Variants in TAFA5 observed in about 807,000 individuals in gnomAD.
TAFA5 encodes chemokine-like protein TAFA-5.
TAFA5 carries 6 observed loss-of-function variants against 15.3 expected under a neutral mutation model. The ratio of observed to expected loss-of-function variants is 0.39; its 90% CI spans 0.21 to 0.77. The LOEUF is 0.77. TAFA5 is among the 30% of genes least tolerant of loss of function. The pLI is 0.41. For synonymous variants in TAFA5, 103 were observed against 80.7 expected (o/e 1.28, Z -1.48); for missense variants, 161 against 193.1 (o/e 0.83, Z 0.98).
chr22:48,494,620 T>A (rs1372035114), intron 1 of TAFA5, among the ~76,000 whole-genome samples: 2 of 152,208 alleles, frequency 1.3e-5, no homozygotes, highest in Admixed American at 6.5e-5. Context: ...GCTTCTCCAC[T>A]GACAAGGGCC....
chr22:48,559,118 G>A (rs1440720208), intron 1 of TAFA5, among the ~76,000 whole-genome samples: 1 of 152,188 alleles, frequency 6.6e-6, no homozygotes, highest in Non-Finnish European at 1.5e-5. Flanking sequence ...GCCCAAGGAG[G>A]GAGCCCATAC....
chr22:48,502,022 CTG>C (rs1920955080), intron 1 of TAFA5, among the ~76,000 whole-genome samples: 2 of 152,250 alleles, frequency 1.3e-5, no homozygotes, highest in Non-Finnish European at 1.5e-5. Context: ...TGAATACTGT[CTG>C]TGTGGGTTCT....
intron 1 of TAFA5, 141 bp from the exon 2 acceptor site, chr22:48,646,456 G>T: frequency 9.2e-7 from 1 of 1,088,450 alleles, no homozygotes; most frequent in Non-Finnish European, 1.3e-6. Flanking sequence ...GGTGCTTTCG[G>T]ACGCTCCCTC....
intron 1 of TAFA5, chr22:48,544,062 G>A (rs558457149): frequency 2.9e-4 from 45 of 153,348 alleles, no homozygotes; most frequent in Admixed American, 2.3e-3. Context: ...GTGCTCAGCA[G>A]GACAGCAGGG....
chr22:48,519,179 T>G (rs1004631472), intron 1 of TAFA5, among the ~76,000 whole-genome samples: 1 of 152,238 alleles, frequency 6.6e-6, no homozygotes, highest in African/African-American at 2.4e-5. Flanking sequence ...GTTATTTGCT[T>G]TCTCAGCCGA....
In TAFA5 at chr22:48,584,913, CCA is replaced by C. The variant is rs564024414; in HGVS notation, c.113-61669_113-61668del. Among the ~76,000 whole-genome samples, 155 of 147,094 alleles carry C rather than the reference CCA, an allele frequency of 1.1e-3. 1 individual carries two copies. The highest frequency in any genetic ancestry group is 3.6e-3 in the Middle Eastern group (1 of 280). On this transcript the variant is annotated intron_variant, in intron 1 of 3. Coordinates refer to ENST00000402357, the MANE Select transcript of TAFA5 (RefSeq NM_001082967.3). Reference sequence around the variant, plus strand: ...ACAAAATACATCTCACACACACACACCACACACACACACACAAAATACACTGC... The same window carrying C: ...ACAAAATACATCTCACACACACACACCACACACACACACAAAATACACTGC...
At chr22:48,515,321 G>T (rs117129046) in intron 1 of TAFA5, among the ~76,000 whole-genome samples, 1 of 152,006 alleles carries the variant, frequency 6.6e-6, no homozygotes, top group Admixed American at 6.6e-5. Flanking sequence ...CAGGGCTTGC[G>T]CAGGCAGCGT....
At chr22:48,603,266 C>G (rs1925040966) in intron 1 of TAFA5, among the ~76,000 whole-genome samples, 1 of 152,240 alleles carries the variant, frequency 6.6e-6, no homozygotes, top group African/African-American at 2.4e-5. Flanking sequence ...GCTTGAGTGC[C>G]CGGAGGCTGC....
intron 1 of TAFA5, among the ~76,000 whole-genome samples, chr22:48,603,068 A>G (rs1204084900): frequency 6.6e-6 from 1 of 152,152 alleles, no homozygotes; most frequent in African/African-American, 2.4e-5. Flanking sequence ...GACTTGGAGA[A>G]AGCTACACAG....
chr22:48,658,256 C>G (rs962736781), intron 2 of TAFA5, among the ~76,000 whole-genome samples: 7 of 152,128 alleles, frequency 4.6e-5, no homozygotes, highest in African/African-American at 1.7e-4. Flanking sequence ...GGGGGAGCAG[C>G]GAGGTCTTAC....
chr22:48,709,239 T>TTGCTCTAAGCTGAGGTCCTGGGC lies in TAFA5; in HGVS notation c.390+1397_390+1419dup, dbSNP rs1287625921. The stretch of plus-strand genomic sequence containing the variant: ...CAGGACAGGAGATGAGGGACGTGGG[T>TTGCTCTAAGCTGAGGTCCTGGGC]TGCTCTAAGCTGAGGTCCTGGGCTT... On this transcript the variant is annotated intron_variant, in intron 3 of 3. Coordinates refer to ENST00000402357, the MANE Select transcript of TAFA5 (RefSeq NM_001082967.3). Among the ~76,000 whole-genome samples the TTGCTCTAAGCTGAGGTCCTGGGC allele has an allele frequency of 4.6e-5, 7 of 152,170 alleles. No homozygotes were observed. The East Asian group carries it at 1.4e-3, about 30-fold the overall frequency.
At position 48,571,203 on chromosome 22, in the gene TAFA5, G is replaced by C. The variant is rs1355559569; in HGVS notation, c.113-75394G>C. Among the ~76,000 whole-genome samples, 3 of 148,554 alleles carry C rather than the reference G, an allele frequency of 2.0e-5. No individual in the cohort carries two copies. In the East Asian group the frequency reaches 6.0e-4, roughly 30 times the overall value. On this transcript the variant is annotated intron_variant, in intron 1 of 3. Transcript: ENST00000402357. ...GCTCCACTGTCTTTGAGAAGCCAGT[G>C]TTTCTAAAGCAAAATTCAGTATCAG...
intron 1 of TAFA5, among the ~76,000 whole-genome samples, chr22:48,570,380 G>C (rs770468795): frequency 6.6e-6 from 1 of 152,114 alleles, no homozygotes; most frequent in Non-Finnish European, 1.5e-5. Flanking sequence ...TATACATGAC[G>C]CATATGGTAA....
At chr22:48,613,177 C>T (rs1280181323) in intron 1 of TAFA5, among the ~76,000 whole-genome samples, 2 of 152,214 alleles carry the variant, frequency 1.3e-5, no homozygotes, top group Non-Finnish European at 2.9e-5. Context: ...CTAGGGAGCA[C>T]TCACGGCTGT....
At chr22:48,528,719 C>T (rs1441343373) in intron 1 of TAFA5, among the ~76,000 whole-genome samples, 1 of 152,216 alleles carries the variant, frequency 6.6e-6, no homozygotes, top group Non-Finnish European at 1.5e-5. Flanking sequence ...GAGCCAGGAA[C>T]ACCCTGGAAG....
At chr22:48,578,327 C>T (rs1038600051) in intron 1 of TAFA5, among the ~76,000 whole-genome samples, 3 of 152,210 alleles carry the variant, frequency 2.0e-5, no homozygotes, top group South Asian at 2.1e-4. Context: ...CTTTCTGCCT[C>T]GCCCTGCGGC....
chr22:48,507,175 G>A (rs185341596), intron 1 of TAFA5, among the ~76,000 whole-genome samples: 2 of 109,260 alleles, frequency 1.8e-5, no homozygotes, highest in African/African-American at 9.3e-5. Context: ...GGCCAGGTGT[G>A]TAGTTGGAGA....
At chr22:48,625,618 C>G (rs1050076231) in intron 1 of TAFA5, among the ~76,000 whole-genome samples, 1 of 152,252 alleles carries the variant, frequency 6.6e-6, no homozygotes, top group Admixed American at 6.5e-5. Flanking sequence ...CCCCAGCTCC[C>G]TCAGGGAGGT....
At chr22:48,580,915 G>A (rs28537632) in intron 1 of TAFA5, among the ~76,000 whole-genome samples, 32,935 of 151,576 alleles carry the variant, frequency 0.22, 3,566 homozygotes, top group Admixed American at 0.24. Context: ...AGGTGTGCAG[G>A]CAGACAGAGC....
Sources: allele counts gnomAD v4.1 joint callset (sites outside exome capture counted in the v4.1 genomes callset), GRCh38; gene constraint gnomAD v4.1.1; transcripts MANE v1.5; gene names NCBI Gene and HGNC (gene_info 2026-07-23, HGNC 2026-07-21).